The following CCDC68 variants were observed in gnomAD, a reference collection of about 807,000 sequenced individuals.
CCDC68 encodes the protein coiled-coil domain containing 68, also known as coiled-coil domain-containing protein 68.
A neutral mutation model predicts 47.1 loss-of-function variants in CCDC68; 45 were observed. That is an observed-to-expected ratio of 0.96 (90% CI 0.75 to 1.23). CCDC68 has a LOEUF of 1.23. Among genes scored for constraint, CCDC68 ranks in the 50% most tolerant of loss-of-function variants. The pLI is 0.00. For missense variants in CCDC68, 353 were observed against 373.6 expected, an observed-to-expected ratio of 0.94 and a Z score of 0.45; for synonymous variants, 131 against 129.5, an observed-to-expected ratio of 1.01 and a Z score of -0.08.
At chr18:54,957,486 C>A (rs1303849005) in intron 1 of CCDC68, among the ~76,000 whole-genome samples, 1 of 152,120 alleles carries the variant, frequency 6.6e-6, no homozygotes, top group Non-Finnish European at 1.5e-5. Flanking sequence ...TTGGCCCAGA[C>A]CCTACTTCCC....
intron 10 of CCDC68, among the ~76,000 whole-genome samples, chr18:54,909,232 A>G (rs1445739803): frequency 6.6e-6 from 1 of 152,164 alleles, no homozygotes; most frequent in Non-Finnish European, 1.5e-5. Context: ...TTGCACTTTA[A>G]AGGACACACC....
intron 10 of CCDC68, among the ~76,000 whole-genome samples, chr18:54,912,285 A>G (rs1722127570): frequency 6.6e-6 from 1 of 152,204 alleles, no homozygotes; most frequent in African/African-American, 2.4e-5. Flanking sequence ...AGATGATGAA[A>G]GATATGCAAA....
intron 1 of CCDC68, among the ~76,000 whole-genome samples, chr18:54,946,838 T>G (rs1452007976): frequency 1.3e-5 from 2 of 152,062 alleles, no homozygotes; most frequent in African/African-American, 2.4e-5. Context: ...ATGAGTTTTT[T>G]TTTTTTAAAT....
intron 10 of CCDC68, 38 bp downstream of exon 10, chr18:54,917,871 TCACA>T: frequency 2.0e-6 from 2 of 1,022,406 alleles, no homozygotes; most frequent in Non-Finnish European, 3.0e-6. Flanking sequence ...ACACACACAC[TCACA>T]CCCTCACAAC....
intron 10 of CCDC68, among the ~76,000 whole-genome samples, chr18:54,908,224 C>T (rs1333171564): frequency 1.3e-5 from 2 of 152,310 alleles, no homozygotes; most frequent in Middle Eastern, 3.4e-3. Context: ...ATCACATGTT[C>T]GTCTTTCTTT....
chr18:54,902,771 T>C lies in CCDC68; in HGVS notation c.*1587A>G, dbSNP rs1913756358. Reference sequence around the variant, plus strand: ...AGCTGGGAAATTTCTTAGACCACCATGTGAGCAAGTAGAATGAATATCAAT... The same window carrying C: ...AGCTGGGAAATTTCTTAGACCACCACGTGAGCAAGTAGAATGAATATCAAT... On this transcript the variant is annotated 3_prime_UTR_variant, in exon 12 of 12. Coordinates refer to ENST00000591504, the MANE Select transcript of CCDC68 (RefSeq NM_025214.3). 6.6e-6 allele frequency: 1 copy of C among 152,200 alleles called. No homozygotes were observed. Among genetic ancestry groups the C allele is most frequent in the African/African-American group, 2.4e-5 (1 of 41,458 alleles). 9.4% of individuals were successfully genotyped at this position (152,200 alleles called of 1,614,324 possible). A position where few individuals can be genotyped will look rare whatever the true frequency, so the allele number is the denominator to read the frequency against.
rs756468338 is a variant in CCDC68 at position 54,917,898 on chromosome 18, A to G, written c.873+15T>C. 2 of 1,481,762 alleles carry G rather than the reference A, an allele frequency of 1.3e-6. No individual in the cohort carries two copies. Among genetic ancestry groups the G allele is most frequent in the South Asian group, 1.1e-5 (1 of 87,258 alleles). The allele number at this position is 1,481,762 out of a possible 1,614,324, so 91.8% of individuals were successfully genotyped here. On this transcript the variant is annotated intron_variant, in intron 10 of 11. Transcript: ENST00000591504. ...ACACCCTCACAACAAAATGTAAGACAGGTTCCCTCCTTACCTGGGCTTCAA... is the reference window on the plus strand; with the variant it reads ...ACACCCTCACAACAAAATGTAAGACGGGTTCCCTCCTTACCTGGGCTTCAA...
intron 7 of CCDC68, among the ~76,000 whole-genome samples, chr18:54,930,624 C>CCCTCCCTCCCTCCCT (rs1599059169): frequency 3.5e-5 from 1 of 28,502 alleles, no homozygotes; most frequent in Admixed American, 3.4e-4. Flanking sequence ...CCCTTCCCTT[C>CCCTCCCTCCCTCCCT]CCCTCCCTCC....
chr18:54,940,524 C>T (rs1234229519), intron 4 of CCDC68, among the ~76,000 whole-genome samples: 2 of 152,162 alleles, frequency 1.3e-5, no homozygotes, highest in African/African-American at 4.8e-5. Context: ...TGTGGTTTAG[C>T]TTGGTGTAAT....
At chr18:54,935,242 C>T (rs918811791) in intron 6 of CCDC68, among the ~76,000 whole-genome samples, 5 of 152,134 alleles carry the variant, frequency 3.3e-5, no homozygotes, top group African/African-American at 1.2e-4. Flanking sequence ...ACGAAAGCAA[C>T]ATTTTTGACT....
intron 3 of CCDC68, 54 bp downstream of exon 3, chr18:54,942,621 G>T: frequency 9.2e-7 from 1 of 1,084,116 alleles, no homozygotes; most frequent in Non-Finnish European, 1.4e-6. Flanking sequence ...AGCCCATATT[G>T]GAATTTCTCT....
chr18:54,938,179 A>G, intron 4 of CCDC68, 82 bp from the exon 5 acceptor site: 1 of 1,315,680 alleles, frequency 7.6e-7, no homozygotes, highest in Non-Finnish European at 1.0e-6. Context: ...ATTTAGTATT[A>G]CATATATCAA....
At chr18:54,928,992 G>A in intron 7 of CCDC68, 110 bp from the exon 8 acceptor site, 4 of 664,554 alleles carry the variant, frequency 6.0e-6, no homozygotes, top group Admixed American at 2.5e-5. Context: ...AATTTCACAT[G>A]TGCTGTTACT....
intron 1 of CCDC68, among the ~76,000 whole-genome samples, chr18:54,951,851 G>T (rs779495706): frequency 1.3e-5 from 2 of 152,198 alleles, no homozygotes; most frequent in Non-Finnish European, 2.9e-5. Context: ...ACAAGACTCT[G>T]TTCCACTTCA....
rs2044519684 is a variant in CCDC68, at chr18:54,946,062, G to GAAATTATAT, written c.-102-586_-102-585insATATAATTT. Among the ~76,000 whole-genome samples the GAAATTATAT allele has an allele frequency of 3.9e-5, 6 of 152,114 alleles. No homozygotes were observed. In the South Asian group the frequency reaches 1.2e-3, roughly 32 times the overall value. ...AATCAAAAGAAGAATAACATTTCAT[G>GAAATTATAT]GCACATGAAAATTATATGAATTTCA... On this transcript the variant is annotated intron_variant, in intron 1 of 11. Transcript: ENST00000591504.
At chr18:54,926,522 C>T (rs1568144311) in intron 8 of CCDC68, among the ~76,000 whole-genome samples, 4 of 152,188 alleles carry the variant, frequency 2.6e-5, no homozygotes. Flanking sequence ...ATTCAAGATT[C>T]TCATCTTTTC....
chr18:54,953,511 TACACACACACAC>T (rs140232651), intron 1 of CCDC68, among the ~76,000 whole-genome samples: 1 of 147,672 alleles, frequency 6.8e-6, no homozygotes, highest in African/African-American at 2.5e-5. Flanking sequence ...TATATATACA[TACACACACACAC>T]ACACACACAC....
At chr18:54,944,473 G>T (rs72930928) in intron 2 of CCDC68, among the ~76,000 whole-genome samples, 21,205 of 151,996 alleles carry the variant, frequency 0.14, 1,557 homozygotes, top group Non-Finnish European at 0.16. Context: ...CCATCCTGAA[G>T]AAGAATGTCT....
rs564427957 is a variant in CCDC68 at position 54,948,974 on chromosome 18, C to A, written c.-102-3497G>T. ...AAGCAAGAGCAGAGGCTGGCAGGTG[C>A]CTAGAGCAGTGTTTTTGTTTGTTTG... On this transcript the variant is annotated intron_variant, in intron 1 of 11. Transcript: ENST00000591504. 1.8e-4 allele frequency among the ~76,000 whole-genome samples: 28 copies of A among 152,190 alleles called. No homozygotes were observed. The South Asian group carries it at 5.6e-3, about 30-fold the overall frequency.
Sources: gnomAD v4.1 joint callset for allele counts (sites outside exome capture counted in the v4.1 genomes callset) on GRCh38, gnomAD v4.1.1 for gene constraint, MANE v1.5 for transcripts, NCBI Gene and HGNC (gene_info 2026-07-23, HGNC 2026-07-21) for gene names.